CHRM3: variants seen among roughly 807,000 people sequenced by gnomAD.
CHRM3 encodes cholinergic receptor muscarinic 3.
A neutral mutation model predicts 41.8 loss-of-function variants in CHRM3; 11 were observed. The ratio of observed to expected loss-of-function variants is 0.26; its 90% CI spans 0.17 to 0.44. The LOEUF (loss-of-function observed/expected upper bound fraction) is 0.44, where lower values mean the gene tolerates loss of function less well. Among genes scored for constraint, CHRM3 ranks in the 20% least tolerant of loss-of-function variants. The probability of loss-of-function intolerance (pLI) is 1.00; values close to 1 mark genes in which losing one functional copy is unlikely to be tolerated. For missense variants in CHRM3, 571 were observed against 745.4 expected, an observed-to-expected ratio of 0.77 and a Z score of 2.72; for synonymous variants, 297 against 301.4, an observed-to-expected ratio of 0.99 and a Z score of 0.15.
At chr1:239,420,964 A>T (rs1661911008) in intron 1 of CHRM3, among the ~76,000 whole-genome samples, 1 of 152,210 alleles carries the variant, frequency 6.6e-6, no homozygotes, top group Admixed American at 6.5e-5. Flanking sequence ...CTCCTTAAGA[A>T]ATTTTGTTTT....
intron 5 of CHRM3, among the ~76,000 whole-genome samples, chr1:239,817,162 G>A (rs1293432546): frequency 6.6e-6 from 1 of 152,056 alleles, no homozygotes; most frequent in East Asian, 1.9e-4. Context: ...TTCTCTCCAC[G>A]GAGACAGGAA....
rs563383502 is a variant in CHRM3, at chr1:239,692,553, G to T, written c.-147+14265G>T. 1.9e-4 allele frequency among the ~76,000 whole-genome samples: 29 copies of T among 152,218 alleles called. No individual in the cohort carries two copies. In the South Asian group the frequency reaches 5.6e-3, roughly 29 times the overall value. On this transcript the variant is annotated intron_variant, in intron 5 of 6. Transcript: ENST00000676153. Reference sequence around the variant, plus strand: ...TGATTAGACTCTAATGAGTAAATTGGTTCCATTACTCAAGAGGAACATGGA... The same window carrying T: ...TGATTAGACTCTAATGAGTAAATTGTTTCCATTACTCAAGAGGAACATGGA...
rs116468715 is a variant in CHRM3 at position 239,758,503 on chromosome 1, G to A, written c.-146-68749G>A. Among the ~76,000 whole-genome samples the A allele has an allele frequency of 7.0e-3, 1,066 of 152,182 alleles. 9 individuals are homozygous for A. The highest frequency in any genetic ancestry group is 0.024 in the African/African-American group (1,014 of 41,514). On this transcript the variant is annotated intron_variant, in intron 5 of 6. Transcript: ENST00000676153. ...TGAAAATGGTTGGCAATTGCTTATT[G>A]GAATATGAAGATATTAATAGCATAG...
In CHRM3 at chr1:239,389,796, T is replaced by G. The variant is rs115742972; in HGVS notation, c.-521+2569T>G. On this transcript the variant is annotated intron_variant, in intron 1 of 6. Coordinates refer to ENST00000676153, the MANE Select transcript of CHRM3 (RefSeq NM_001375978.1). Reference sequence around the variant, plus strand: ...TTCTTGCCTAATAACTTTGTTAACATTGGCAAGCTCAGTTGCTTACTGCTA... The same window carrying G: ...TTCTTGCCTAATAACTTTGTTAACAGTGGCAAGCTCAGTTGCTTACTGCTA... 4.3e-3 allele frequency among the ~76,000 whole-genome samples: 653 copies of G among 152,368 alleles called. 1 individual carries two copies. Among genetic ancestry groups the G allele is most frequent in the African/African-American group, 0.015 (622 of 41,578 alleles).
At chr1:239,476,849 C>A (rs1666503017) in intron 1 of CHRM3, among the ~76,000 whole-genome samples, 1 of 152,064 alleles carries the variant, frequency 6.6e-6, no homozygotes, top group Non-Finnish European at 1.5e-5. Flanking sequence ...AATAAATAAT[C>A]CCATTGTTAG....
chr1:239,867,374 C>A lies in CHRM3; in HGVS notation c.-20+39996C>A, dbSNP rs537958107. Among the ~76,000 whole-genome samples, 11 of 152,194 alleles carry A rather than the reference C, an allele frequency of 7.2e-5. No homozygotes were observed. The South Asian group carries it at 2.1e-3, about 29-fold the overall frequency. ...AGGAGTGTGCCCACTAGGAATAGGG[C>A]ATTTTCTAAGTGACTTCGAAAGTCA... On this transcript the variant is annotated intron_variant, in intron 6 of 6. Transcript: ENST00000676153.
intron 6 of CHRM3, among the ~76,000 whole-genome samples, chr1:239,905,432 A>AG (rs1679896315): frequency 6.6e-6 from 1 of 152,208 alleles, no homozygotes; most frequent in African/African-American, 2.4e-5. Flanking sequence ...TACACTGGGC[A>AG]TGGTAGCTCA....
intron 1 of CHRM3, among the ~76,000 whole-genome samples, chr1:239,424,474 C>A (rs973286664): frequency 2.0e-5 from 3 of 152,152 alleles, no homozygotes; most frequent in African/African-American, 7.2e-5. Flanking sequence ...ACATTTTGTT[C>A]ATTCATTCAA....
chr1:239,743,930 G>A (rs1230687618), intron 5 of CHRM3, among the ~76,000 whole-genome samples: 1 of 148,532 alleles, frequency 6.7e-6, no homozygotes, highest in Non-Finnish European at 1.5e-5. Context: ...AGCTAGGACG[G>A]ACTACAGGTG....
chr1:239,414,749 G>T (rs142106700), intron 1 of CHRM3, among the ~76,000 whole-genome samples: 129 of 152,262 alleles, frequency 8.5e-4, no homozygotes, highest in African/African-American at 2.9e-3. Context: ...GGAGCTTCTG[G>T]CCTTAAGGAA....
rs113231946 is a variant in CHRM3, at chr1:239,684,741, A to G, written c.-147+6453A>G. On this transcript the variant is annotated intron_variant, in intron 5 of 6. Coordinates refer to ENST00000676153, the MANE Select transcript of CHRM3 (RefSeq NM_001375978.1). ...AGAAAGGAAAGGAAAGGAAAGAGAG[A>G]AAGAAAGAGAAAGAAAGAAAGAAAG... 1.0e-3 allele frequency among the ~76,000 whole-genome samples: 129 copies of G among 125,196 alleles called. 2 individuals are homozygous for G. The highest frequency in any genetic ancestry group is 4.3e-3 in the African/African-American group (124 of 28,556). 82.1% of individuals were successfully genotyped at this position (125,196 alleles called of 152,430 possible). A position where few individuals can be genotyped will look rare whatever the true frequency, so the allele number is the denominator to read the frequency against.
intron 6 of CHRM3, among the ~76,000 whole-genome samples, chr1:239,873,882 C>T (rs527406591): frequency 6.6e-6 from 1 of 152,290 alleles, no homozygotes; most frequent in East Asian, 1.9e-4. Context: ...CCCCCCTCTC[C>T]TCCTAACTCT....
chr1:239,834,658 C>T (rs1487065329), intron 6 of CHRM3, among the ~76,000 whole-genome samples: 1 of 152,168 alleles, frequency 6.6e-6, no homozygotes, highest in Non-Finnish European at 1.5e-5. Context: ...CCCCTGAAGG[C>T]AGAAAGTGTA....
intron 5 of CHRM3, among the ~76,000 whole-genome samples, chr1:239,772,290 A>G (rs1336119330): frequency 6.6e-6 from 1 of 152,074 alleles, no homozygotes; most frequent in African/African-American, 2.4e-5. Flanking sequence ...AGCTAGGATC[A>G]CAGGCATGCA....
intron 5 of CHRM3, among the ~76,000 whole-genome samples, chr1:239,776,666 C>G (rs1410495856): frequency 6.6e-6 from 1 of 152,134 alleles, no homozygotes; most frequent in Non-Finnish European, 1.5e-5. Flanking sequence ...ATATAATATA[C>G]TTGTATTAGT....
intron 1 of CHRM3, among the ~76,000 whole-genome samples, chr1:239,434,490 C>T (rs9428833): frequency 2.6e-5 from 4 of 152,126 alleles, no homozygotes; most frequent in Non-Finnish European, 5.9e-5. Context: ...ACACTGTGTG[C>T]GTGCCTCCTA....
At chr1:239,880,545 G>A (rs775341532) in intron 6 of CHRM3, among the ~76,000 whole-genome samples, 22 of 152,306 alleles carry the variant, frequency 1.4e-4, no homozygotes, top group Non-Finnish European at 2.8e-4. Context: ...GCCCAGGCTG[G>A]CATGCAGCAG....
At chr1:239,685,131 T>C (rs1415723662) in intron 5 of CHRM3, among the ~76,000 whole-genome samples, 2 of 152,212 alleles carry the variant, frequency 1.3e-5, no homozygotes, top group Non-Finnish European at 2.9e-5. Context: ...TCACGATTCA[T>C]GACACATGTT....
At chr1:239,511,675 A>T (rs1668932683) in intron 2 of CHRM3, among the ~76,000 whole-genome samples, 1 of 152,210 alleles carries the variant, frequency 6.6e-6, no homozygotes, top group African/African-American at 2.4e-5. Context: ...TTTTGCCAGA[A>T]ATATAACAAA....
Sources: gnomAD v4.1 joint callset for allele counts (sites outside exome capture counted in the v4.1 genomes callset) on GRCh38, gnomAD v4.1.1 for gene constraint, MANE v1.5 for transcripts, NCBI Gene and HGNC (gene_info 2026-07-23, HGNC 2026-07-21) for gene names.